The following SENP6 variants were observed in gnomAD, a reference collection of about 807,000 sequenced individuals.
SENP6 encodes the protein sentrin-specific protease 6.
SENP6 carries 41 observed loss-of-function variants against 134.5 expected under a neutral mutation model. The ratio of observed to expected loss-of-function variants is 0.30; its 90% CI spans 0.24 to 0.40. SENP6 has a LOEUF of 0.40. Among genes scored for constraint, SENP6 ranks in the 10% least tolerant of loss-of-function variants. SENP6 has a pLI of 1.00. For missense variants in SENP6, 1,248 were observed against 1,312.5 expected (o/e 0.95, Z 0.76); for synonymous variants, 395 against 429.8 (o/e 0.92, Z 1.00).
At chr6:75,616,488 C>G (rs77502926) in intron 1 of SENP6, among the ~76,000 whole-genome samples, 254 of 152,252 alleles carry the variant, frequency 1.7e-3, no homozygotes, top group African/African-American at 5.9e-3. Context: ...GTGGCACACG[C>G]CTGTAATCCT....
rs12665568 is a variant in SENP6, at chr6:75,686,491, C to T, written c.2075+7564C>T. Among the ~76,000 whole-genome samples the T allele has an allele frequency of 0.011, 1,622 of 152,272 alleles. 62 individuals are homozygous for T. In the East Asian group the frequency reaches 0.14, roughly 13 times the overall value. The stretch of plus-strand genomic sequence containing the variant: ...AATTGATGCAGTTTCTTCATAGCAT[C>T]GATGGTCTTTACAATTTGGCCTGTT... On this transcript the variant is annotated intron_variant, in intron 16 of 23. Transcript: ENST00000447266.
chr6:75,616,451 A>C (rs984005326), intron 1 of SENP6, among the ~76,000 whole-genome samples: 1 of 152,138 alleles, frequency 6.6e-6, no homozygotes, highest in Non-Finnish European at 1.5e-5. Flanking sequence ...TGAGTTTGTT[A>C]GAATTATGTG....
intron 6 of SENP6, chr6:75,647,516 A>C (rs1336668301): frequency 2.9e-6 from 1 of 343,912 alleles, no homozygotes; most frequent in Non-Finnish European, 5.4e-6. Flanking sequence ...TCCTTTATTT[A>C]TTAATTTGTT....
chr6:75,666,970 C>G (rs1772292812), intron 10 of SENP6, 29 bp downstream of exon 10: 1 of 1,456,774 alleles, frequency 6.9e-7, no homozygotes, highest in Non-Finnish European at 9.5e-7. Flanking sequence ...GACATTTGTT[C>G]AGATTAATGC....
chr6:75,644,518 T>C (rs1202639929), intron 6 of SENP6, among the ~76,000 whole-genome samples: 6 of 151,250 alleles, frequency 4.0e-5, no homozygotes, highest in Non-Finnish European at 1.5e-5. Flanking sequence ...ACAGTCTGGC[T>C]CTGTCGCCTA....
chr6:75,644,990 C>T (rs1014225876), intron 6 of SENP6, among the ~76,000 whole-genome samples: 1 of 152,176 alleles, frequency 6.6e-6, no homozygotes, highest in Non-Finnish European at 1.5e-5. Flanking sequence ...TGAGGCTTAT[C>T]GAACTTTTAA....
chr6:75,613,260 A>G (rs1267372922), intron 1 of SENP6, among the ~76,000 whole-genome samples: 1 of 152,242 alleles, frequency 6.6e-6, no homozygotes, highest in Non-Finnish European at 1.5e-5. Context: ...TGACACATGA[A>G]AATTACATGA....
chr6:75,652,683 C>CAAAAAAAAAACAAAAAAAAA (rs1770968687), intron 7 of SENP6, among the ~76,000 whole-genome samples: 2 of 75,856 alleles, frequency 2.6e-5, no homozygotes, highest in Non-Finnish European at 4.6e-5. Flanking sequence ...CTAAAAATCT[C>CAAAAAAAAAACAAAAAAAAA]AAAAAAAAAA....
chr6:75,682,000 C>G (rs1773497944), intron 16 of SENP6, among the ~76,000 whole-genome samples: 1 of 151,990 alleles, frequency 6.6e-6, no homozygotes, highest in African/African-American at 2.4e-5. Flanking sequence ...AATCAGTGAA[C>G]TGTCTACAAG....
At chr6:75,696,600 C>T (rs2149895390) in intron 17 of SENP6, among the ~76,000 whole-genome samples, 1 of 152,300 alleles carries the variant, frequency 6.6e-6, no homozygotes, top group South Asian at 2.1e-4. Context: ...ACCTCAGCCT[C>T]CCAAGTAGCT....
chr6:75,692,604 C>T (rs1471419099), intron 16 of SENP6, among the ~76,000 whole-genome samples: 3 of 151,874 alleles, frequency 2.0e-5, no homozygotes, highest in East Asian at 3.9e-4. Flanking sequence ...CCAGCCTGGG[C>T]GAGAGAGTGA....
At chr6:75,685,316 T>C (rs1337037879) in intron 16 of SENP6, among the ~76,000 whole-genome samples, 1 of 152,176 alleles carries the variant, frequency 6.6e-6, no homozygotes, top group Non-Finnish European at 1.5e-5. Flanking sequence ...ATTTTGTTGA[T>C]CTTTTCAAAA....
At chr6:75,638,610 ATATATATATATATTTTTTTTT>A (rs1483569599) in intron 5 of SENP6, among the ~76,000 whole-genome samples, 19 of 48,854 alleles carry the variant, frequency 3.9e-4, no homozygotes, top group African/African-American at 8.3e-4. Context: ...ATATATATAT[ATATATATATATATTTTTTTTT>A]TTTTTTTTTT....
intron 5 of SENP6, among the ~76,000 whole-genome samples, chr6:75,638,053 G>A (rs879576758): frequency 8.6e-5 from 13 of 151,706 alleles, no homozygotes; most frequent in African/African-American, 1.9e-4. Flanking sequence ...GTAGAGATGC[G>A]GTGTCACTAT....
At chr6:75,681,794 C>G (rs1773484098) in intron 16 of SENP6, among the ~76,000 whole-genome samples, 1 of 151,806 alleles carries the variant, frequency 6.6e-6, no homozygotes, top group Non-Finnish European at 1.5e-5. Context: ...TTTTGGAGGC[C>G]AAGGTGGGAG....
intron 11 of SENP6, among the ~76,000 whole-genome samples, chr6:75,674,903 A>G (rs1178815296): frequency 6.6e-6 from 1 of 152,158 alleles, no homozygotes; most frequent in Non-Finnish European, 1.5e-5. Flanking sequence ...TCATCCCTGT[A>G]TATATTCATT....
intron 8 of SENP6, among the ~76,000 whole-genome samples, chr6:75,662,864 C>T (rs574703075): frequency 6.6e-6 from 1 of 152,224 alleles, no homozygotes; most frequent in South Asian, 2.1e-4. Flanking sequence ...AGTAATGGAG[C>T]CAGTCAGTAC....
intron 16 of SENP6, among the ~76,000 whole-genome samples, chr6:75,693,447 T>C (rs1774435766): frequency 6.6e-6 from 1 of 150,518 alleles, no homozygotes; most frequent in African/African-American, 2.4e-5. Context: ...GTAGCCATTA[T>C]AGTTTGGGCC....
intron 13 of SENP6, 125 bp from the exon 14 acceptor site, chr6:75,676,902 CATT>C (rs1456508240): frequency 8.4e-6 from 5 of 596,782 alleles, no homozygotes; most frequent in African/African-American, 7.4e-5. Flanking sequence ...GTATGTCAGA[CATT>C]GTTGTGGACC....
Sources: allele counts gnomAD v4.1 joint callset (sites outside exome capture counted in the v4.1 genomes callset), GRCh38; gene constraint gnomAD v4.1.1; transcripts MANE v1.5; gene names NCBI Gene and HGNC (gene_info 2026-07-23, HGNC 2026-07-21).